The following CADM1 variants were observed in gnomAD, a reference collection of about 807,000 sequenced individuals.
The protein encoded by CADM1 is TSLC-1.
CADM1 carries 15 observed loss-of-function variants against 53.1 expected under a neutral mutation model. The ratio of observed to expected loss-of-function variants is 0.28; its 90% CI spans 0.19 to 0.44. The LOEUF is 0.44. CADM1 is among the 20% of genes least tolerant of loss of function. CADM1 has a pLI of 1.00. For missense variants in CADM1, 434 were observed against 611.3 expected (o/e 0.71, Z 3.06); for synonymous variants, 281 against 243.0 (o/e 1.16, Z -1.45).
chr11:115,293,847 CA>C (rs1384239487), intron 1 of CADM1, among the ~76,000 whole-genome samples: 1 of 152,142 alleles, frequency 6.6e-6, no homozygotes, highest in East Asian at 1.9e-4. Flanking sequence ...TTTTATTTCT[CA>C]GGCATAAGGC....
intron 1 of CADM1, among the ~76,000 whole-genome samples, chr11:115,274,782 G>A (rs1342527519): frequency 6.6e-6 from 1 of 152,012 alleles, no homozygotes; most frequent in Admixed American, 6.5e-5. Context: ...TATTTCTTGG[G>A]TGGGGTGGCA....
chr11:115,316,672 C>T (rs777211175), intron 1 of CADM1, among the ~76,000 whole-genome samples: 25 of 152,102 alleles, frequency 1.6e-4, no homozygotes, highest in African/African-American at 5.8e-4. Context: ...CCTTTAGTGA[C>T]GCTATCTGGT....
intron 3 of CADM1, among the ~76,000 whole-genome samples, chr11:115,232,156 T>C (rs1941842989): frequency 6.6e-6 from 1 of 152,162 alleles, no homozygotes; most frequent in African/African-American, 2.4e-5. Flanking sequence ...TGATCATCCT[T>C]ACCAGGAAAC....
At chr11:115,385,182 C>CA (rs34684645) in intron 1 of CADM1, among the ~76,000 whole-genome samples, 4,195 of 90,516 alleles carry the variant, frequency 0.046, 82 homozygotes, top group Middle Eastern at 0.15. Flanking sequence ...ATGTGCTTTC[C>CA]AAAAAAAAAA....
intron 1 of CADM1, among the ~76,000 whole-genome samples, chr11:115,382,540 T>C (rs144714503): frequency 1.3e-3 from 199 of 152,280 alleles, no homozygotes; most frequent in African/African-American, 4.4e-3. Flanking sequence ...ATAAAAGCTC[T>C]TTAAAAATAA....
intron 9 of CADM1, among the ~76,000 whole-genome samples, chr11:115,196,724 T>C (rs549393666): frequency 6.6e-6 from 1 of 152,082 alleles, no homozygotes; most frequent in African/African-American, 2.4e-5. Context: ...ATGGGTTGGA[T>C]GAGCTTGCAT....
chr11:115,476,232 A>G (rs572296614), intron 1 of CADM1, among the ~76,000 whole-genome samples: 11 of 152,220 alleles, frequency 7.2e-5, no homozygotes, highest in Non-Finnish European at 1.3e-4. Context: ...CAAGAGTCTC[A>G]AGAATATAAC....
chr11:115,236,902 T>C (rs1942029419), intron 3 of CADM1, among the ~76,000 whole-genome samples: 2 of 152,322 alleles, frequency 1.3e-5, no homozygotes, highest in Admixed American at 1.3e-4. Flanking sequence ...GCAAGATGTC[T>C]AACATCTGTT....
At chr11:115,373,415 T>C (rs1052983029) in intron 1 of CADM1, among the ~76,000 whole-genome samples, 4 of 151,248 alleles carry the variant, frequency 2.6e-5, no homozygotes, top group Admixed American at 6.6e-5. Flanking sequence ...CAAAACACCA[T>C]CTCTTCCAAA....
intron 10 of CADM1, among the ~76,000 whole-genome samples, chr11:115,183,430 G>A (rs1346216333): frequency 1.3e-5 from 2 of 152,154 alleles, no homozygotes; most frequent in Non-Finnish European, 2.9e-5. Context: ...GCCAAAGTGG[G>A]GATCCATGGA....
At chr11:115,257,007 C>G (rs934828725) in intron 1 of CADM1, 2 of 408,516 alleles carry the variant, frequency 4.9e-6, no homozygotes, top group Non-Finnish European at 1.0e-5. Flanking sequence ...TTACGTACTT[C>G]CTGGAAACCC....
chr11:115,353,654 G>A (rs556252436), intron 1 of CADM1, among the ~76,000 whole-genome samples: 7 of 152,222 alleles, frequency 4.6e-5, no homozygotes, highest in African/African-American at 1.7e-4. Flanking sequence ...GAAGTTGAAG[G>A]GTGACTTGAG....
intron 1 of CADM1, among the ~76,000 whole-genome samples, chr11:115,431,705 A>C (rs1020975823): frequency 1.3e-5 from 2 of 151,796 alleles, no homozygotes; most frequent in African/African-American, 4.8e-5. Context: ...TCCCTCTGGA[A>C]AGTTCTTCCT....
At chr11:115,401,081 T>G (rs1375336441) in intron 1 of CADM1, among the ~76,000 whole-genome samples, 1 of 152,140 alleles carries the variant, frequency 6.6e-6, no homozygotes, top group Non-Finnish European at 1.5e-5. Flanking sequence ...TGCCAAAACT[T>G]GTAGGCAACC....
chr11:115,299,441 A>G (rs1323980978), intron 1 of CADM1, among the ~76,000 whole-genome samples: 1 of 152,084 alleles, frequency 6.6e-6, no homozygotes, highest in Non-Finnish European at 1.5e-5. Flanking sequence ...CCCTTCAACC[A>G]TCATTAAAGA....
At chr11:115,388,789 TC>T (rs1349308534) in intron 1 of CADM1, among the ~76,000 whole-genome samples, 1 of 152,062 alleles carries the variant, frequency 6.6e-6, no homozygotes, top group Non-Finnish European at 1.5e-5. Flanking sequence ...GAAGAACTGT[TC>T]CCCATTAAAG....
chr11:115,454,383 T>C (rs1384898124), intron 1 of CADM1, among the ~76,000 whole-genome samples: 1 of 152,182 alleles, frequency 6.6e-6, no homozygotes, highest in East Asian at 1.9e-4. Context: ...CAGTAGTGCC[T>C]GCAAAAGATA....
chr11:115,495,198 C>A (rs894550807), intron 1 of CADM1, among the ~76,000 whole-genome samples: 13 of 151,932 alleles, frequency 8.6e-5, no homozygotes, highest in African/African-American at 3.1e-4. Context: ...AGGGTTTCTG[C>A]AAGAAAAATG....
intron 1 of CADM1, among the ~76,000 whole-genome samples, chr11:115,267,678 CTTTTTTTTT>C (rs56712105): frequency 3.8e-5 from 5 of 131,298 alleles, no homozygotes; most frequent in East Asian, 2.1e-4. Context: ...AAATTGCTTT[CTTTTTTTTT>C]TTTTTTTTTT....
Sources: allele counts gnomAD v4.1 joint callset (sites outside exome capture counted in the v4.1 genomes callset), GRCh38; gene constraint gnomAD v4.1.1; transcripts MANE v1.5; gene names NCBI Gene and HGNC (gene_info 2026-07-23, HGNC 2026-07-21).